FBXL17: variants seen among roughly 807,000 people sequenced by gnomAD.
FBXL17 encodes the protein F-box/LRR-repeat protein 17.
Under a neutral mutation model 66.2 loss-of-function variants are expected in FBXL17, and 22 were observed. The ratio of observed to expected loss-of-function variants is 0.33; its 90% CI spans 0.24 to 0.47. FBXL17 has a LOEUF of 0.47. Among genes scored for constraint, FBXL17 ranks in the 20% least tolerant of loss-of-function variants. The pLI, the probability that FBXL17 is intolerant of heterozygous loss-of-function variation, is 1.00. For synonymous variants in FBXL17, 474 were observed against 400.5 expected (o/e 1.18, Z -2.19); for missense variants, 878 against 948.2 (o/e 0.93, Z 0.97).
chr5:108,333,325 T>TCAAA (rs1325306633), intron 4 of FBXL17, among the ~76,000 whole-genome samples: 1 of 152,036 alleles, frequency 6.6e-6, no homozygotes, highest in Non-Finnish European at 1.5e-5. Flanking sequence ...GATGTAAGGT[T>TCAAA]ACCTGAGAGT....
intron 4 of FBXL17, among the ~76,000 whole-genome samples, chr5:108,285,166 A>T (rs1006121982): frequency 1.3e-5 from 2 of 151,964 alleles, no homozygotes; most frequent in Admixed American, 1.3e-4. Flanking sequence ...TCACATCTTC[A>T]GGCTTCACTT....
At chr5:108,351,353 T>TC (rs1212250890) in intron 3 of FBXL17, among the ~76,000 whole-genome samples, 1 of 152,166 alleles carries the variant, frequency 6.6e-6, no homozygotes, top group Non-Finnish European at 1.5e-5. Context: ...GTGGGTAAGT[T>TC]TTTTAAAAAA....
intron 6 of FBXL17, among the ~76,000 whole-genome samples, chr5:108,070,917 GTTTA>G (rs2112862423): frequency 6.6e-6 from 1 of 152,290 alleles, no homozygotes; most frequent in East Asian, 1.9e-4. Context: ...GTGTAAAAGA[GTTTA>G]TTTAAGTTCT....
At chr5:107,958,006 A>G (rs1442605691) in intron 7 of FBXL17, among the ~76,000 whole-genome samples, 1 of 152,118 alleles carries the variant, frequency 6.6e-6, no homozygotes, top group Non-Finnish European at 1.5e-5. Flanking sequence ...CAAGTAATAC[A>G]TCGTTAATTG....
At chr5:108,367,803 G>A (rs1049485014) in intron 2 of FBXL17, 28 bp downstream of exon 2, 12 of 1,536,546 alleles carry the variant, frequency 7.8e-6, no homozygotes, top group African/African-American at 1.4e-5. Context: ...TAGGTCATAT[G>A]AGTGTTACTT....
At chr5:108,198,132 A>G (rs1753751888) in intron 5 of FBXL17, among the ~76,000 whole-genome samples, 1 of 152,178 alleles carries the variant, frequency 6.6e-6, no homozygotes, top group South Asian at 2.1e-4. Flanking sequence ...CCCCGTCAAC[A>G]GGTCCCTATG....
intron 6 of FBXL17, among the ~76,000 whole-genome samples, chr5:108,146,939 G>A (rs958314180): frequency 2.2e-4 from 33 of 152,168 alleles, no homozygotes; most frequent in African/African-American, 7.5e-4. Flanking sequence ...AGTTCTGGAG[G>A]CTGAGAAGTC....
chr5:107,876,241 A>G (rs565945070), intron 8 of FBXL17, among the ~76,000 whole-genome samples: 33 of 152,336 alleles, frequency 2.2e-4, no homozygotes, highest in African/African-American at 7.9e-4. Flanking sequence ...AGAACCAAGC[A>G]TTTTAAGCAA....
At chr5:108,016,936 C>A (rs1483499393) in intron 7 of FBXL17, among the ~76,000 whole-genome samples, 1 of 151,966 alleles carries the variant, frequency 6.6e-6, no homozygotes, top group Non-Finnish European at 1.5e-5. Flanking sequence ...TGCGTCACCA[C>A]GCTCAGCTAA....
intron 1 of FBXL17, among the ~76,000 whole-genome samples, chr5:108,376,410 T>TA (rs1380952986): frequency 6.6e-6 from 1 of 152,222 alleles, no homozygotes; most frequent in Non-Finnish European, 1.5e-5. Flanking sequence ...ATTTTAGAGC[T>TA]AATAAGCAAA....
intron 4 of FBXL17, among the ~76,000 whole-genome samples, chr5:108,348,155 T>TTAGAAAAGA (rs1348485715): frequency 6.6e-6 from 1 of 152,196 alleles, no homozygotes; most frequent in Non-Finnish European, 1.5e-5. Flanking sequence ...CTGTCCACAT[T>TTAGAAAAGA]TAGAAAAGAT....
intron 6 of FBXL17, among the ~76,000 whole-genome samples, chr5:108,060,206 T>C (rs1747868773): frequency 6.6e-6 from 1 of 151,890 alleles, no homozygotes; most frequent in Admixed American, 6.6e-5. Flanking sequence ...ATATCACCAC[T>C]AAAAATATAT....
chr5:107,938,591 T>G (rs184248046), intron 7 of FBXL17, among the ~76,000 whole-genome samples: 129 of 152,280 alleles, frequency 8.5e-4, no homozygotes, highest in African/African-American at 3.1e-3. Context: ...ATAACTTCAC[T>G]TTCAGCTATT....
At chr5:108,146,211 G>A (rs1000443978) in intron 6 of FBXL17, among the ~76,000 whole-genome samples, 1 of 146,496 alleles carries the variant, frequency 6.8e-6, no homozygotes, top group African/African-American at 2.5e-5. Flanking sequence ...CAGCCTGGGC[G>A]ACATAGCAAG....
At chr5:107,979,135 T>C (rs953593953) in intron 7 of FBXL17, among the ~76,000 whole-genome samples, 1 of 152,206 alleles carries the variant, frequency 6.6e-6, no homozygotes, top group African/African-American at 2.4e-5. Flanking sequence ...ATAAACTTTA[T>C]GTATAAGTCA....
chr5:108,354,411 G>A (rs1362702610), intron 3 of FBXL17, among the ~76,000 whole-genome samples: 1 of 151,758 alleles, frequency 6.6e-6, no homozygotes, highest in Admixed American at 6.6e-5. Flanking sequence ...CTGAGTTTGA[G>A]AATATAATAG....
At chr5:108,000,335 A>G (rs1753671142) in intron 7 of FBXL17, among the ~76,000 whole-genome samples, 1 of 152,200 alleles carries the variant, frequency 6.6e-6, no homozygotes, top group Non-Finnish European at 1.5e-5. Context: ...ATGTGGGTAC[A>G]CTTGGCAATG....
intron 3 of FBXL17, among the ~76,000 whole-genome samples, chr5:108,361,252 A>G (rs991333500): frequency 2.0e-5 from 3 of 152,164 alleles, no homozygotes; most frequent in Non-Finnish European, 4.4e-5. Flanking sequence ...ACGCTTCACT[A>G]TTTTTGATTA....
chr5:108,246,846 TC>T (rs1387644710), intron 4 of FBXL17, among the ~76,000 whole-genome samples: 1 of 152,196 alleles, frequency 6.6e-6, no homozygotes, highest in Non-Finnish European at 1.5e-5. Flanking sequence ...AACAAAATCA[TC>T]AAGAAAAGCA....
Sources: allele counts gnomAD v4.1 joint callset (sites outside exome capture counted in the v4.1 genomes callset), GRCh38; gene constraint gnomAD v4.1.1; transcripts MANE v1.5; gene names NCBI Gene and HGNC (gene_info 2026-07-23, HGNC 2026-07-21).